Variants in SGCD observed in about 807,000 individuals in gnomAD.
The protein encoded by SGCD is sarcoglycan delta, also known as delta-sarcoglycan.
In SGCD, 18 loss-of-function variants were observed where a neutral mutation model predicts 36.6. That is an observed-to-expected ratio of 0.49 (90% CI 0.34 to 0.73). The LOEUF (loss-of-function observed/expected upper bound fraction) is 0.73. Ranked by LOEUF, SGCD falls within the 30% of genes least tolerant of loss-of-function variation. The pLI is 0.01. For synonymous variants in SGCD, 133 were observed against 130.6 expected, an observed-to-expected ratio of 1.02 and a Z score of -0.12; for missense variants, 387 against 346.7, an observed-to-expected ratio of 1.12 and a Z score of -0.92.
intron 3 of SGCD, among the ~76,000 whole-genome samples, chr5:156,449,693 A>T (rs1753916026): frequency 6.7e-6 from 1 of 148,740 alleles, no homozygotes; most frequent in East Asian, 2.0e-4. Flanking sequence ...AAAAAAAAAA[A>T]AAAAAAAAAT....
At chr5:156,000,815 T>TATATATATATATATATATATA (rs200807025) in intron 1 of SGCD, among the ~76,000 whole-genome samples, 3 of 151,610 alleles carry the variant, frequency 2.0e-5, no homozygotes, top group Admixed American at 6.6e-5. Context: ...TATATATATA[T>TATATATATATATATATATATA]TTTTGCCCTC....
intron 3 of SGCD, among the ~76,000 whole-genome samples, chr5:156,164,847 T>C (rs954144029): frequency 6.6e-6 from 1 of 152,178 alleles, no homozygotes; most frequent in African/African-American, 2.4e-5. Flanking sequence ...TGTTAACTAT[T>C]TGAAGGGACA....
intron 1 of SGCD, among the ~76,000 whole-genome samples, chr5:156,007,352 G>T (rs533418671): frequency 6.6e-6 from 1 of 152,090 alleles, no homozygotes; most frequent in Non-Finnish European, 1.5e-5. Context: ...CTCCTTTCTC[G>T]GAAGGCAGTT....
At chr5:155,865,547 A>G (rs1407436102), upstream of SGCD, among the ~76,000 whole-genome samples, 1 of 152,176 alleles carries the variant, frequency 6.6e-6, no homozygotes, top group Non-Finnish European at 1.5e-5. Context: ...AGTTAGTTGC[A>G]TTGTGGAATC....
chr5:156,673,253 TC>T (rs1351109784), intron 7 of SGCD, among the ~76,000 whole-genome samples: 1 of 152,258 alleles, frequency 6.6e-6, no homozygotes, highest in African/African-American at 2.4e-5. Context: ...CTCATGCCTT[TC>T]TTTTTTCTAT....
At chr5:156,111,115 G>A (rs1761774588) in intron 1 of SGCD, among the ~76,000 whole-genome samples, 1 of 152,164 alleles carries the variant, frequency 6.6e-6, no homozygotes, top group African/African-American at 2.4e-5. Flanking sequence ...AAAAAGAAGA[G>A]AGGAGGTGCT....
the SGCD span, among the ~76,000 whole-genome samples, chr5:155,816,787 TAATAGTATAAAAAC>T: frequency 6.6e-6 from 1 of 152,190 alleles, no homozygotes; most frequent in Non-Finnish European, 1.5e-5. Flanking sequence ...CAGGTCCCAA[TAATAGTATAAAAAC>T]AATTAGAAAC....
At chr5:156,447,228 G>A (rs994402102) in intron 3 of SGCD, among the ~76,000 whole-genome samples, 2 of 152,194 alleles carry the variant, frequency 1.3e-5, no homozygotes, top group African/African-American at 2.4e-5. Flanking sequence ...CTGGGAAGGT[G>A]TGATTTGGAG....
chr5:156,327,742 G>A (rs1198665611), intron 1 of SGCD, among the ~76,000 whole-genome samples: 2 of 152,130 alleles, frequency 1.3e-5, no homozygotes, highest in African/African-American at 4.8e-5. Flanking sequence ...TCAGAGTGTC[G>A]AAACAGATAT....
intron 3 of SGCD, among the ~76,000 whole-genome samples, chr5:156,227,804 A>G (rs1173153709): frequency 2.0e-5 from 3 of 151,486 alleles, no homozygotes; most frequent in African/African-American, 7.3e-5. Flanking sequence ...TCTTAACACC[A>G]CCTTTGCTGT....
intron 1 of SGCD, among the ~76,000 whole-genome samples, chr5:156,005,057 G>T (rs1324054264): frequency 1.3e-5 from 2 of 152,192 alleles, no homozygotes; most frequent in African/African-American, 4.8e-5. Context: ...AGGCTAGGAA[G>T]AGACTGGAGC....
chr5:156,360,353 T>C (rs1323248423), intron 3 of SGCD, among the ~76,000 whole-genome samples: 1 of 151,830 alleles, frequency 6.6e-6, no homozygotes, highest in African/African-American at 2.4e-5. Context: ...GTTCAAGCAA[T>C]TTTCTTGCCT....
At chr5:156,209,879 C>G (rs752477666) in intron 3 of SGCD, among the ~76,000 whole-genome samples, 2 of 152,064 alleles carry the variant, frequency 1.3e-5, no homozygotes, top group Non-Finnish European at 2.9e-5. Context: ...AAGACCCAGA[C>G]CTGCCCCCAC....
At chr5:155,817,180 A>G in the SGCD span, among the ~76,000 whole-genome samples, 3 of 152,138 alleles carry the variant, frequency 2.0e-5, no homozygotes, top group Non-Finnish European at 2.9e-5. Flanking sequence ...GCATATTTAG[A>G]TTGCCTCCTG....
At chr5:156,473,337 A>G (rs528522758) in intron 3 of SGCD, among the ~76,000 whole-genome samples, 2 of 152,344 alleles carry the variant, frequency 1.3e-5, no homozygotes, top group African/African-American at 2.4e-5. Context: ...CGTTGCAAAT[A>G]TTATAAATTA....
At chr5:156,645,534 G>A (rs550424810) in intron 6 of SGCD, among the ~76,000 whole-genome samples, 1 of 152,272 alleles carries the variant, frequency 6.6e-6, no homozygotes, top group African/African-American at 2.4e-5. Context: ...ATTGATATTT[G>A]CTCATAGCTC....
At position 156,727,660 on chromosome 5, in the gene SGCD, T is replaced by C. The variant is rs1367178531; in HGVS notation, c.576-29921T>C. 2.0e-5 allele frequency among the ~76,000 whole-genome samples: 3 copies of C among 147,052 alleles called. 1 individual carries two copies. Among genetic ancestry groups the C allele is most frequent in the Admixed American group, 1.4e-4 (2 of 14,114 alleles). On this transcript the variant is annotated intron_variant, in intron 7 of 8. Transcript: ENST00000337851. Reference sequence around the variant, plus strand: ...TGGAAATAATACAAAACTGTGAAGTTAGATCTGGGTTTTTTTCTGTCTATC... The same window carrying C: ...TGGAAATAATACAAAACTGTGAAGTCAGATCTGGGTTTTTTTCTGTCTATC...
In SGCD at chr5:156,654,000, G is replaced by A. The variant is rs374677199; in HGVS notation, c.575+6464G>A. On this transcript the variant is annotated intron_variant, in intron 7 of 8. Coordinates refer to ENST00000337851, the MANE Select transcript of SGCD (RefSeq NM_000337.6). The stretch of plus-strand genomic sequence containing the variant: ...AAGAGCACTGTGCTAAGAGTTGGGC[G>A]CCTAATGCCAACCCACTGTAGGGGC... Among the ~76,000 whole-genome samples, 8 of 152,186 alleles carry A rather than the reference G, an allele frequency of 5.3e-5. No individual in the cohort carries two copies. The East Asian group carries it at 5.8e-4, about 11-fold the overall frequency.
intron 3 of SGCD, among the ~76,000 whole-genome samples, chr5:156,202,500 T>C (rs1030192196): frequency 9.9e-5 from 15 of 152,232 alleles, no homozygotes; most frequent in African/African-American, 3.1e-4. Context: ...AGCACTGAGA[T>C]TTCTTGACCC....
Sources: gnomAD v4.1 joint callset for allele counts (sites outside exome capture counted in the v4.1 genomes callset) on GRCh38, gnomAD v4.1.1 for gene constraint, MANE v1.5 for transcripts, NCBI Gene and HGNC (gene_info 2026-07-23, HGNC 2026-07-21) for gene names.